NR3C2: variants seen among roughly 807,000 people sequenced by gnomAD.
The protein encoded by NR3C2 is nuclear receptor subfamily 3 group C member 2, also known as mineralocorticoid receptor.
NR3C2 carries 15 observed loss-of-function variants against 86.4 expected under a neutral mutation model. That is an observed-to-expected ratio of 0.17 (90% CI 0.12 to 0.27). NR3C2 has a LOEUF of 0.27. Among genes scored for constraint, NR3C2 ranks in the 10% least tolerant of loss-of-function variants. The pLI, the probability that NR3C2 is intolerant of heterozygous loss-of-function variation, is 1.00. For synonymous variants in NR3C2, 458 were observed against 450.5 expected, an observed-to-expected ratio of 1.02 and a Z score of -0.21; for missense variants, 960 against 1,195.6, an observed-to-expected ratio of 0.80 and a Z score of 2.91.
At position 148,187,430 on chromosome 4, in the gene NR3C2, T is replaced by A. The variant is rs193278853; in HGVS notation, c.2014+7316A>T. Among the ~76,000 whole-genome samples, 100 of 152,316 alleles carry A rather than the reference T, an allele frequency of 6.6e-4. 1 individual carries two copies. The highest frequency in any genetic ancestry group is 2.3e-3 in the African/African-American group (94 of 41,576). ...GAGTGAGGTGGTATTGCATTTTGGT[T>A]TTGATTTGCAGTTCCCTGATCATTA... On this transcript the variant is annotated intron_variant, in intron 4 of 8. Transcript: ENST00000358102.
intron 2 of NR3C2, among the ~76,000 whole-genome samples, chr4:148,264,542 G>C (rs542048339): frequency 6.6e-5 from 10 of 152,158 alleles, no homozygotes; most frequent in Non-Finnish European, 1.3e-4. Flanking sequence ...AGGGATCAAA[G>C]ACAGGAATGG....
chr4:148,150,871 T>C (rs1481199508), intron 6 of NR3C2, among the ~76,000 whole-genome samples: 2 of 152,216 alleles, frequency 1.3e-5, no homozygotes, highest in Admixed American at 1.3e-4. Flanking sequence ...TAAATATGGA[T>C]GAACATTGAA....
chr4:148,272,680 T>G (rs1740748580), intron 2 of NR3C2, among the ~76,000 whole-genome samples: 1 of 152,228 alleles, frequency 6.6e-6, no homozygotes, highest in African/African-American at 2.4e-5. Flanking sequence ...TTTCATCTTT[T>G]GCCTAACACT....
chr4:148,282,646 AG>A (rs1741306662), intron 2 of NR3C2, among the ~76,000 whole-genome samples: 1 of 152,164 alleles, frequency 6.6e-6, no homozygotes, highest in Non-Finnish European at 1.5e-5. Context: ...AGTTAAACAC[AG>A]GGTGTGTGGG....
intron 2 of NR3C2, among the ~76,000 whole-genome samples, chr4:148,269,881 G>A (rs974849121): frequency 1.3e-4 from 20 of 152,082 alleles, no homozygotes; most frequent in Non-Finnish European, 1.9e-4. Context: ...AAATACAGTG[G>A]CTTTGCTTTT....
At chr4:148,295,584 C>T (rs1190866869) in intron 2 of NR3C2, among the ~76,000 whole-genome samples, 1 of 150,204 alleles carries the variant, frequency 6.7e-6, no homozygotes, top group Non-Finnish European at 1.5e-5. Context: ...GCCTGTAAGG[C>T]CATGCCTCAC....
intron 2 of NR3C2, among the ~76,000 whole-genome samples, chr4:148,372,054 T>C (rs1326080541): frequency 1.3e-5 from 2 of 152,206 alleles, no homozygotes; most frequent in Non-Finnish European, 2.9e-5. Flanking sequence ...AAAAATCTCA[T>C]GTCCATAATT....
At position 148,125,330 on chromosome 4, in the gene NR3C2, T is replaced by C. The variant is rs560204441; in HGVS notation, c.2511-5042A>G. 3.9e-5 allele frequency among the ~76,000 whole-genome samples: 6 copies of C among 152,344 alleles called. No homozygotes were observed. In the South Asian group the frequency reaches 1.0e-3, roughly 26 times the overall value. On this transcript the variant is annotated intron_variant, in intron 6 of 8. Coordinates refer to ENST00000358102, the MANE Select transcript of NR3C2 (RefSeq NM_000901.5). ...GGTTTAGTTTTATTGTCCTTGTTAG[T>C]AGACAGCGAAATCTTTGCCAAGCCC...
chr4:148,157,620 G>A (rs1408872989), intron 4 of NR3C2, among the ~76,000 whole-genome samples: 5 of 151,718 alleles, frequency 3.3e-5, no homozygotes, highest in Non-Finnish European at 5.9e-5. Flanking sequence ...ATGAATGAGA[G>A]AACAATTAAA....
intron 2 of NR3C2, among the ~76,000 whole-genome samples, chr4:148,423,466 T>C (rs1160076634): frequency 6.6e-6 from 1 of 152,136 alleles, no homozygotes; most frequent in Non-Finnish European, 1.5e-5. Context: ...TGTATGAAGG[T>C]CTCCTTGACT....
chr4:148,294,881 A>C (rs938029311), intron 2 of NR3C2, among the ~76,000 whole-genome samples: 1 of 152,066 alleles, frequency 6.6e-6, no homozygotes, highest in African/African-American at 2.4e-5. Flanking sequence ...CCAGCTACTA[A>C]AGAGGCTGAG....
intron 2 of NR3C2, among the ~76,000 whole-genome samples, chr4:148,391,802 G>A (rs994735210): frequency 2.0e-5 from 3 of 151,242 alleles, no homozygotes; most frequent in Non-Finnish European, 4.4e-5. Context: ...GGGAGGCAGA[G>A]GATGCAGTGA....
At chr4:148,270,281 C>G (rs983094761) in intron 2 of NR3C2, among the ~76,000 whole-genome samples, 1 of 152,194 alleles carries the variant, frequency 6.6e-6, no homozygotes, top group Admixed American at 6.5e-5. Context: ...CCCTCTCAAT[C>G]CACCTCTTAC....
At position 148,151,666 on chromosome 4, in the gene NR3C2, T is replaced by C. The variant is rs566467330; in HGVS notation, c.2510+803A>G. Among the ~76,000 whole-genome samples the C allele has an allele frequency of 5.3e-4, 80 of 152,314 alleles. 1 individual carries two copies. In the South Asian group the frequency reaches 9.1e-3, roughly 17 times the overall value. On this transcript the variant is annotated intron_variant, in intron 6 of 8. Coordinates refer to ENST00000358102, the MANE Select transcript of NR3C2 (RefSeq NM_000901.5). ...ACTTTTCTTGCTTTCATCACCAACC[T>C]ATTTCTCATCTGCCTCCTCCCCTAC...
At chr4:148,371,665 AAT>A (rs555885927) in intron 2 of NR3C2, among the ~76,000 whole-genome samples, 9 of 152,290 alleles carry the variant, frequency 5.9e-5, no homozygotes, top group African/African-American at 2.2e-4. Context: ...CGAAATTTGA[AAT>A]AGATACCAAA....
chr4:148,202,839 GCT>G (rs1414925775), intron 3 of NR3C2, among the ~76,000 whole-genome samples: 1 of 152,082 alleles, frequency 6.6e-6, no homozygotes. Flanking sequence ...CAGATCTGGA[GCT>G]CATTAAAAGG....
At chr4:148,118,122 C>T (rs1424729195) in intron 7 of NR3C2, among the ~76,000 whole-genome samples, 1 of 152,170 alleles carries the variant, frequency 6.6e-6, no homozygotes, top group East Asian at 1.9e-4. Context: ...AATGCCTGTG[C>T]TGTTGTCAAG....
intron 4 of NR3C2, among the ~76,000 whole-genome samples, chr4:148,158,892 T>C (rs1295685360): frequency 1.3e-5 from 2 of 152,212 alleles, no homozygotes; most frequent in Non-Finnish European, 2.9e-5. Context: ...TACTGTGATT[T>C]TGTGAATATA....
At position 148,134,625 on chromosome 4, in the gene NR3C2, TTCTC is replaced by T. The variant is rs199563185; in HGVS notation, c.2511-14341_2511-14338del. 1.7e-3 allele frequency among the ~76,000 whole-genome samples: 168 copies of T among 101,030 alleles called. 2 individuals carry two copies. The highest frequency in any genetic ancestry group is 0.015 in the Middle Eastern group (3 of 196). 66.3% of individuals were successfully genotyped at this position (101,030 alleles called of 152,430 possible). On this transcript the variant is annotated intron_variant, in intron 6 of 8. Coordinates refer to ENST00000358102, the MANE Select transcript of NR3C2 (RefSeq NM_000901.5). ...CCTTAAAAGTGTTAGCTCCCTGTGA[TTCTC>T]TCTCTCTCTCTCTCTTTTTTTTTTT...
Sources: allele counts gnomAD v4.1 joint callset (sites outside exome capture counted in the v4.1 genomes callset), GRCh38; gene constraint gnomAD v4.1.1; transcripts MANE v1.5; gene names NCBI Gene and HGNC (gene_info 2026-07-23, HGNC 2026-07-21).